Variants in LYPLAL1 observed in about 807,000 individuals in gnomAD.
LYPLAL1 encodes lysophospholipase-like protein 1.
In LYPLAL1, 23 loss-of-function variants were observed where a neutral mutation model predicts 19.7. That is an observed-to-expected ratio of 1.17 (90% CI 0.84 to 1.65). The LOEUF is 1.65. LYPLAL1 is among the 40% of genes most tolerant of loss of function. LYPLAL1 has a pLI of 0.00. For missense variants in LYPLAL1, 355 were observed against 279.4 expected, an observed-to-expected ratio of 1.27 and a Z score of -1.93; for synonymous variants, 119 against 96.3, an observed-to-expected ratio of 1.24 and a Z score of -1.38.
chr1:219,281,288 TA>T, the LYPLAL1 span, among the ~76,000 whole-genome samples: 1 of 148,290 alleles, frequency 6.7e-6, no homozygotes, highest in Non-Finnish European at 1.5e-5. Context: ...GCCAGTAACT[TA>T]AAAAAATAAA....
In LYPLAL1 at chr1:219,193,197, G is replaced by A. The variant is rs966398989; in HGVS notation, c.307G>A (p.Asp103Asn). ...TGATGTCATGTGTCAAGTGCTTACTGATTTGATTGATGAAGAAGTAAAAAG... is the reference window on the plus strand; with the variant it reads ...TGATGTCATGTGTCAAGTGCTTACTAATTTGATTGATGAAGAAGTAAAAAG... ...SIDVMCQVLTDLIDEEVKSGI... is the reference protein window; with the variant it reads ...SIDVMCQVLTNLIDEEVKSGI... Residue 103 changes from aspartate (D) to asparagine (N), a missense_variant, in exon 3 of 5, where the codon GAT becomes AAT. Asp to Asn is a conservative substitution (Grantham distance 23). Transcript: ENST00000366928. 1.2e-6 allele frequency: 2 copies of A among 1,610,352 alleles called. No homozygotes were observed. Among genetic ancestry groups the A allele is most frequent in the African/African-American group, 2.7e-5 (2 of 74,702 alleles).
downstream of LYPLAL1, among the ~76,000 whole-genome samples, chr1:219,214,215 T>G (rs1427020726): frequency 2.0e-5 from 3 of 152,176 alleles, no homozygotes; most frequent in Non-Finnish European, 4.4e-5. Context: ...TTTGCATTCC[T>G]GAAATAAACT....
chr1:219,425,127 G>T, the LYPLAL1 span, among the ~76,000 whole-genome samples: 10 of 152,202 alleles, frequency 6.6e-5, no homozygotes, highest in African/African-American at 1.7e-4. Context: ...TTGTTTCCTG[G>T]TTCATAAAGG....
At chr1:219,198,552 C>A (rs903240721) in intron 3 of LYPLAL1, 1 of 152,100 alleles carries the variant, frequency 6.6e-6, no homozygotes, top group Admixed American at 6.5e-5. Context: ...ATAAATTTAA[C>A]ATTCACTTAA....
the LYPLAL1 span, among the ~76,000 whole-genome samples, chr1:219,327,966 T>C: frequency 2.0e-5 from 3 of 152,086 alleles, no homozygotes; most frequent in Non-Finnish European, 4.4e-5. Context: ...ACATTGAAAA[T>C]GGACTAATAC....
the LYPLAL1 span, among the ~76,000 whole-genome samples, chr1:219,377,714 GTAA>G: frequency 1.3e-5 from 2 of 151,990 alleles, no homozygotes; most frequent in African/African-American, 4.8e-5. Context: ...CATTATTTAA[GTAA>G]TAATTTTTCT....
the LYPLAL1 span, among the ~76,000 whole-genome samples, chr1:219,333,397 T>TA: frequency 6.6e-6 from 1 of 151,924 alleles, no homozygotes. Context: ...AGTTGCACAG[T>TA]AGGCAGCTTG....
At chr1:219,230,304 G>A in the LYPLAL1 span, among the ~76,000 whole-genome samples, 2 of 152,114 alleles carry the variant, frequency 1.3e-5, no homozygotes, top group East Asian at 1.9e-4. Flanking sequence ...GTAGAGACGG[G>A]GTTTCACCAT....
chr1:219,371,775 CA>C, the LYPLAL1 span, among the ~76,000 whole-genome samples: 1 of 152,082 alleles, frequency 6.6e-6, no homozygotes, highest in Non-Finnish European at 1.5e-5. Context: ...TGTCTGTACA[CA>C]AGTCTTTTAC....
chr1:219,378,958 A>G, the LYPLAL1 span, among the ~76,000 whole-genome samples: 1 of 152,188 alleles, frequency 6.6e-6, no homozygotes, highest in South Asian at 2.1e-4. Flanking sequence ...TTAAATGCTG[A>G]TCTGTTAAAG....
chr1:219,385,849 A>G, the LYPLAL1 span, among the ~76,000 whole-genome samples: 3 of 152,328 alleles, frequency 2.0e-5, no homozygotes, highest in East Asian at 5.8e-4. Context: ...GCAGAGAGAA[A>G]TATAATTGCT....
At chr1:219,390,898 G>A in the LYPLAL1 span, among the ~76,000 whole-genome samples, 1 of 152,104 alleles carries the variant, frequency 6.6e-6, no homozygotes, top group Non-Finnish European at 1.5e-5. Context: ...ATTAACTTCT[G>A]CACCTCATTT....
the LYPLAL1 span, among the ~76,000 whole-genome samples, chr1:219,251,050 T>C: frequency 2.6e-5 from 4 of 152,138 alleles, no homozygotes; most frequent in Non-Finnish European, 1.5e-5. Flanking sequence ...ATTTCTCTAA[T>C]GATCAGAGAT....
chr1:219,192,842 G>C (rs1447742926), intron 2 of LYPLAL1, among the ~76,000 whole-genome samples: 1 of 151,702 alleles, frequency 6.6e-6, no homozygotes, highest in Non-Finnish European at 1.5e-5. Context: ...CCTCTTAAAA[G>C]ATGGAGGGAG....
intron 3 of LYPLAL1, among the ~76,000 whole-genome samples, chr1:219,194,215 T>C (rs542332500): frequency 3.3e-5 from 5 of 152,044 alleles, no homozygotes; most frequent in South Asian, 4.1e-4. Context: ...TGTTTAACTC[T>C]ATATTTCTGT....
At chr1:219,350,763 G>A in the LYPLAL1 span, among the ~76,000 whole-genome samples, 2 of 152,170 alleles carry the variant, frequency 1.3e-5, no homozygotes, top group Non-Finnish European at 2.9e-5. Context: ...GAAACTCGAT[G>A]ACATATGATT....
the LYPLAL1 span, among the ~76,000 whole-genome samples, chr1:219,233,162 C>T: frequency 1.7e-4 from 26 of 152,304 alleles, no homozygotes; most frequent in African/African-American, 6.3e-4. Context: ...GGCACATATA[C>T]AGTGTAATAT....
chr1:219,383,917 A>G, the LYPLAL1 span, among the ~76,000 whole-genome samples: 1 of 152,178 alleles, frequency 6.6e-6, no homozygotes, highest in South Asian at 2.1e-4. Context: ...CTGTTTACAT[A>G]TAGTTCATTT....
the LYPLAL1 span, among the ~76,000 whole-genome samples, chr1:219,326,294 T>C: frequency 4.0e-5 from 3 of 74,272 alleles, no homozygotes; most frequent in Admixed American, 1.9e-4. Flanking sequence ...TTTTTTGTTT[T>C]TGGTGGGTGG....
Sources: gnomAD v4.1 joint callset for allele counts (sites outside exome capture counted in the v4.1 genomes callset) on GRCh38, gnomAD v4.1.1 for gene constraint, MANE v1.5 for transcripts, NCBI Gene and HGNC (gene_info 2026-07-23, HGNC 2026-07-21) for gene names.